Variants in EYA1 observed in about 807,000 individuals in gnomAD.
EYA1 encodes EYA transcriptional coactivator and phosphatase 1.
Under a neutral mutation model 82.0 loss-of-function variants are expected in EYA1, and 16 were observed. The observed-to-expected ratio is 0.20, with a 90% CI of 0.13 to 0.30. The LOEUF (loss-of-function observed/expected upper bound fraction) is 0.30. EYA1 is among the 10% of genes least tolerant of loss of function. EYA1 has a pLI of 1.00. For missense variants in EYA1, 633 were observed against 730.7 expected (o/e 0.87, Z 1.54); for synonymous variants, 261 against 264.4 (o/e 0.99, Z 0.12).
intron 2 of EYA1, among the ~76,000 whole-genome samples, chr8:71,509,092 C>T (rs551363528): frequency 1.3e-5 from 2 of 151,918 alleles, no homozygotes; most frequent in Non-Finnish European, 2.9e-5. Flanking sequence ...GGTGGTGGTG[C>T]CTGCTGTGGT....
chr8:71,283,387 C>A (rs972367802), intron 9 of EYA1, among the ~76,000 whole-genome samples: 1 of 152,184 alleles, frequency 6.6e-6, no homozygotes, highest in Non-Finnish European at 1.5e-5. Context: ...TCCAGCCACT[C>A]TGCCAGATGC....
intron 2 of EYA1, among the ~76,000 whole-genome samples, chr8:71,376,461 A>G (rs1294513248): frequency 6.6e-6 from 1 of 152,154 alleles, no homozygotes; most frequent in Non-Finnish European, 1.5e-5. Flanking sequence ...GATCTGATTT[A>G]TGTGTAAGGA....
intron 12 of EYA1, among the ~76,000 whole-genome samples, chr8:71,236,989 A>G (rs1292806300): frequency 6.6e-6 from 1 of 151,980 alleles, no homozygotes; most frequent in Non-Finnish European, 1.5e-5. Context: ...TGCATTGTAG[A>G]TCATGTTATT....
intron 1 of EYA1, among the ~76,000 whole-genome samples, chr8:71,540,406 T>A (rs1815052498): frequency 6.6e-6 from 1 of 152,188 alleles, no homozygotes; most frequent in Non-Finnish European, 1.5e-5. Context: ...ATTATTTTAG[T>A]TCTAGCTCAT....
Position 71,439,051 on chromosome 8 carries a change from C to T in EYA1, c.34-82540G>A, listed in dbSNP as rs1174428676. ...AGCAAGGAGCAAACCAAGCAGGGAC[C>T]CAAATATGAGGTCAGAGATTTTGAT... On this transcript the variant is annotated intron_variant, in intron 2 of 18. Coordinates refer to the EYA1 transcript ENST00000643681. Among the ~76,000 whole-genome samples, 3 of 152,038 alleles carry T rather than the reference C, an allele frequency of 2.0e-5. No homozygotes were observed. In the South Asian group the frequency reaches 6.2e-4, roughly 32 times the overall value.
chr8:71,217,223 G>A (rs1252582399), intron 12 of EYA1, among the ~76,000 whole-genome samples, 200 bp from the exon 13 acceptor site: 1 of 152,104 alleles, frequency 6.6e-6, no homozygotes, highest in African/African-American at 2.4e-5. Flanking sequence ...AAGCAACATC[G>A]TTAAGGACTA....
chr8:71,543,568 C>T (rs1250082053), intron 1 of EYA1, among the ~76,000 whole-genome samples: 1 of 152,138 alleles, frequency 6.6e-6, no homozygotes, highest in East Asian at 1.9e-4. Flanking sequence ...AATATCTAGC[C>T]TTTGCCCCTC....
chr8:71,472,695 C>T (rs766104170), intron 2 of EYA1, among the ~76,000 whole-genome samples: 9 of 150,892 alleles, frequency 6.0e-5, no homozygotes, highest in East Asian at 2.0e-4. Flanking sequence ...TCATCACTGA[C>T]GTACAACTCA....
intron 1 of EYA1, 152 bp from the exon 2 acceptor site, chr8:71,356,663 T>C: frequency 7.4e-7 from 1 of 1,344,362 alleles, no homozygotes; most frequent in Non-Finnish European, 9.5e-7. Flanking sequence ...GCATATTGTC[T>C]TTAAGTTGAG....
chr8:71,517,726 T>TATAA (rs1339777193), intron 2 of EYA1, among the ~76,000 whole-genome samples: 3 of 147,980 alleles, frequency 2.0e-5, no homozygotes, highest in Admixed American at 6.8e-5. Context: ...TATATATATA[T>TATAA]AACTGTATAC....
At chr8:71,405,547 A>T (rs1391827698) in intron 2 of EYA1, among the ~76,000 whole-genome samples, 1 of 152,184 alleles carries the variant, frequency 6.6e-6, no homozygotes, top group Admixed American at 6.5e-5. Context: ...ATTTTAATTT[A>T]TCTTGATTTC....
chr8:71,483,964 G>A (rs933004041), intron 2 of EYA1, among the ~76,000 whole-genome samples: 1 of 152,182 alleles, frequency 6.6e-6, no homozygotes, highest in Non-Finnish European at 1.5e-5. Context: ...AAAAAGAGAA[G>A]AGCATCTCAG....
At chr8:71,338,980 C>T (rs542395941) in intron 3 of EYA1, among the ~76,000 whole-genome samples, 1 of 152,224 alleles carries the variant, frequency 6.6e-6, no homozygotes, top group East Asian at 1.9e-4. Context: ...CTCAGTTTAC[C>T]ATCCCTCTCC....
At chr8:71,395,496 C>T (rs1393119268) in intron 2 of EYA1, among the ~76,000 whole-genome samples, 1 of 152,152 alleles carries the variant, frequency 6.6e-6, no homozygotes, top group Non-Finnish European at 1.5e-5. Flanking sequence ...GAGTTTTTAG[C>T]ATGAAGGGTT....
At chr8:71,484,737 T>G (rs1478656083) in intron 2 of EYA1, among the ~76,000 whole-genome samples, 1 of 152,230 alleles carries the variant, frequency 6.6e-6, no homozygotes, top group Non-Finnish European at 1.5e-5. Flanking sequence ...TTACTGCACC[T>G]TGTACTTCCT....
chr8:71,527,648 G>A (rs3763548), intron 2 of EYA1, among the ~76,000 whole-genome samples: 41,909 of 151,992 alleles, frequency 0.28, 6,056 homozygotes, highest in African/African-American at 0.36. Context: ...CCTTAAGTTG[G>A]TCCTCTTTAT....
rs1158694815 is a variant in EYA1, at chr8:71,198,011, C to T, written c.*1329G>A. 6.6e-6 allele frequency: 1 copy of T among 152,120 alleles called. No individual in the cohort carries two copies. The highest frequency in any genetic ancestry group is 1.5e-5 in the Non-Finnish European group (1 of 68,022). The allele number at this position is 152,120 out of a possible 1,614,324, so 9.4% of individuals were successfully genotyped here. A position where few individuals can be genotyped will look rare whatever the true frequency, so the allele number is the denominator to read the frequency against. ...TGGCAATGAACCTTCCTCAGGGTGA[C>T]AGGAAGAAAGAGAAAATACGCACAT... is the stretch of plus-strand genomic sequence containing the variant. On this transcript the variant is annotated 3_prime_UTR_variant, in exon 18 of 18. Coordinates refer to ENST00000340726, the MANE Select transcript of EYA1 (RefSeq NM_000503.6).
intron 16 of EYA1, among the ~76,000 whole-genome samples, chr8:71,213,514 A>C (rs1328663620): frequency 6.6e-6 from 1 of 152,276 alleles, no homozygotes; most frequent in Admixed American, 6.5e-5. Context: ...ACATGAAAGC[A>C]CATAAAAGTT....
At chr8:71,387,732 GT>G (rs1368203055) in intron 2 of EYA1, among the ~76,000 whole-genome samples, 2 of 152,064 alleles carry the variant, frequency 1.3e-5, no homozygotes, top group African/African-American at 4.8e-5. Flanking sequence ...GATACTCTAA[GT>G]TTGAGGTACC....
Sources: allele counts gnomAD v4.1 joint callset (sites outside exome capture counted in the v4.1 genomes callset), GRCh38; gene constraint gnomAD v4.1.1; transcripts MANE v1.5; gene names NCBI Gene and HGNC (gene_info 2026-07-23, HGNC 2026-07-21).